Variants in CWC27 observed in about 807,000 individuals in gnomAD.
CWC27 encodes spliceosome-associated protein CWC27 homolog.
In CWC27, 47 loss-of-function variants were observed where a neutral mutation model predicts 63.6. That is an observed-to-expected ratio of 0.74 (90% CI 0.58 to 0.94). The LOEUF is 0.94. CWC27 is among the 40% of genes least tolerant of loss of function. The pLI is 0.00. For missense variants in CWC27, 495 were observed against 554.3 expected, an observed-to-expected ratio of 0.89 and a Z score of 1.07; for synonymous variants, 175 against 179.8, an observed-to-expected ratio of 0.97 and a Z score of 0.22.
intron 11 of CWC27, among the ~76,000 whole-genome samples, chr5:64,933,036 C>A (rs2112404277): frequency 6.6e-6 from 1 of 152,204 alleles, no homozygotes; most frequent in East Asian, 1.9e-4. Context: ...TCTCCATAAT[C>A]TTGCTTTCAA....
At chr5:64,845,112 C>G (rs1027020553) in intron 10 of CWC27, 1 of 430,380 alleles carries the variant, frequency 2.3e-6, no homozygotes, top group Non-Finnish European at 4.7e-6. Flanking sequence ...TGGAGTCTAT[C>G]CAGCAGCCCC....
chr5:64,788,296 C>T (rs1479810519), intron 6 of CWC27, among the ~76,000 whole-genome samples: 3 of 150,862 alleles, frequency 2.0e-5, no homozygotes, highest in South Asian at 2.1e-4. Context: ...ATATGTTGGT[C>T]GTTGCTTGCT....
intron 13 of CWC27, among the ~76,000 whole-genome samples, chr5:64,977,853 A>C (rs547016661): frequency 1.3e-5 from 2 of 151,540 alleles, no homozygotes; most frequent in African/African-American, 4.8e-5. Flanking sequence ...TCTTTATCAC[A>C]CCCCTCTGTC....
chr5:64,776,659 ATAAGT>A (rs1416811927), intron 2 of CWC27, among the ~76,000 whole-genome samples: 2 of 152,136 alleles, frequency 1.3e-5, no homozygotes, highest in African/African-American at 2.4e-5. Flanking sequence ...ATACTCCTAA[ATAAGT>A]TAAGTCAAGG....
In CWC27 at chr5:64,827,099, G is replaced by A. The variant is rs149921097; in HGVS notation, c.938+22713G>A. Among the ~76,000 whole-genome samples, 571 of 152,118 alleles carry A rather than the reference G, an allele frequency of 3.8e-3. 3 individuals are homozygous for A. The highest frequency in any genetic ancestry group is 0.013 in the African/African-American group (542 of 41,520). On this transcript the variant is annotated intron_variant, in intron 10 of 13. Coordinates refer to ENST00000381070, the MANE Select transcript of CWC27 (RefSeq NM_005869.4). ...TAGAAAGTTAACATAGCAGGTCTTC[G>A]CATCCTTTCCTTAGAAGATTCCCCC...
chr5:64,857,235 G>C (rs17808006), intron 10 of CWC27, among the ~76,000 whole-genome samples: 55,398 of 151,968 alleles, frequency 0.36, 10,699 homozygotes, highest in East Asian at 0.51. Context: ...TTTTTCACCA[G>C]TTTTACTCAC....
At chr5:64,884,358 CTG>C (rs1747015228) in intron 10 of CWC27, 1 of 151,934 alleles carries the variant, frequency 6.6e-6, no homozygotes, top group Admixed American at 6.6e-5. Flanking sequence ...CAAAATGTGG[CTG>C]TGTGTGTCTG....
At chr5:64,777,464 G>A (rs996573590) in intron 2 of CWC27, among the ~76,000 whole-genome samples, 6 of 152,032 alleles carry the variant, frequency 3.9e-5, no homozygotes, top group African/African-American at 9.7e-5. Context: ...AAGAAGAAAC[G>A]TATAACTACT....
At chr5:64,825,487 T>A (rs1421367592) in intron 10 of CWC27, among the ~76,000 whole-genome samples, 2 of 152,214 alleles carry the variant, frequency 1.3e-5, no homozygotes, top group Non-Finnish European at 2.9e-5. Flanking sequence ...TCTGTATTAG[T>A]ATGGCTTGAA....
chr5:64,776,787 T>C (rs1241852452), intron 2 of CWC27, among the ~76,000 whole-genome samples: 1 of 152,110 alleles, frequency 6.6e-6, no homozygotes, highest in East Asian at 1.9e-4. Flanking sequence ...TAAAGCATGG[T>C]TTCCAGAATT....
intron 7 of CWC27, among the ~76,000 whole-genome samples, chr5:64,798,522 A>T (rs1472435881): frequency 6.6e-6 from 1 of 152,218 alleles, no homozygotes; most frequent in Admixed American, 6.5e-5. Context: ...AGATATATAG[A>T]TTAATTGCAT....
At chr5:64,834,419 G>C (rs1190070075) in intron 10 of CWC27, among the ~76,000 whole-genome samples, 1 of 151,220 alleles carries the variant, frequency 6.6e-6, no homozygotes, top group Non-Finnish European at 1.5e-5. Flanking sequence ...TAATTTTCTA[G>C]GTCCCTCCAA....
At chr5:64,824,728 CTTTTTTTTTT>C (rs768576527) in intron 10 of CWC27, among the ~76,000 whole-genome samples, 1 of 91,986 alleles carries the variant, frequency 1.1e-5, no homozygotes. Flanking sequence ...TTTCTTTTCT[CTTTTTTTTTT>C]TTTTTTTTTT....
chr5:64,922,887 G>A (rs995848385), intron 11 of CWC27, among the ~76,000 whole-genome samples: 5 of 152,182 alleles, frequency 3.3e-5, no homozygotes, highest in Admixed American at 6.5e-5. Context: ...TTTGGAGGGC[G>A]CGGGCTCAGC....
At chr5:64,936,144 G>A (rs1353643207) in intron 11 of CWC27, among the ~76,000 whole-genome samples, 1 of 152,152 alleles carries the variant, frequency 6.6e-6, no homozygotes, top group Non-Finnish European at 1.5e-5. Flanking sequence ...ATGTTGAATA[G>A]GAATGATGAG....
chr5:64,968,609 T>G (rs1749066235), intron 11 of CWC27, among the ~76,000 whole-genome samples: 1 of 152,200 alleles, frequency 6.6e-6, no homozygotes, highest in Non-Finnish European at 1.5e-5. Flanking sequence ...ACATACTGTA[T>G]GATCCCATTT....
chr5:64,996,025 A>C (rs1053218460), intron 13 of CWC27, among the ~76,000 whole-genome samples: 2 of 152,234 alleles, frequency 1.3e-5, no homozygotes, highest in African/African-American at 2.4e-5. Flanking sequence ...ACATGTGGAA[A>C]ATAAATAGCA....
At chr5:64,958,694 C>T (rs926579921) in intron 11 of CWC27, among the ~76,000 whole-genome samples, 1 of 152,036 alleles carries the variant, frequency 6.6e-6, no homozygotes, top group Non-Finnish European at 1.5e-5. Flanking sequence ...TTCCATGAGA[C>T]AATTTGTAAC....
chr5:64,860,630 A>G (rs1746375173), intron 10 of CWC27, among the ~76,000 whole-genome samples: 1 of 152,224 alleles, frequency 6.6e-6, no homozygotes, highest in African/African-American at 2.4e-5. Context: ...TTGATATAAC[A>G]TCAGTCTTTC....
Sources: gnomAD v4.1 joint callset for allele counts (sites outside exome capture counted in the v4.1 genomes callset) on GRCh38, gnomAD v4.1.1 for gene constraint, MANE v1.5 for transcripts, NCBI Gene and HGNC (gene_info 2026-07-23, HGNC 2026-07-21) for gene names.